Variants in EPB41L4B observed in about 807,000 individuals in gnomAD.
EPB41L4B encodes erythrocyte membrane protein band 4.1 like 4B, also known as band 4.1-like protein 4B.
In EPB41L4B, 30 loss-of-function variants were observed where a neutral mutation model predicts 112.5. That is an observed-to-expected ratio of 0.27 (90% CI 0.20 to 0.36). The LOEUF (loss-of-function observed/expected upper bound fraction) is 0.36. Ranked by LOEUF, EPB41L4B falls within the 10% of genes least tolerant of loss-of-function variation. The pLI is 1.00. For missense variants in EPB41L4B, 1,024 were observed against 1,133.3 expected, an observed-to-expected ratio of 0.90 and a Z score of 1.38; for synonymous variants, 408 against 439.7, an observed-to-expected ratio of 0.93 and a Z score of 0.90.
chr9:109,251,335 T>C (rs1419555976), intron 13 of EPB41L4B, 146 bp downstream of exon 13: 1 of 771,576 alleles, frequency 1.3e-6, no homozygotes, highest in Non-Finnish European at 2.2e-6. Flanking sequence ...GCCATGAGCA[T>C]GGAATAGCCA....
At position 109,176,634 on chromosome 9, in the gene EPB41L4B, T is replaced by A; in HGVS notation, c.2550A>T (p.Ala850=). 6.2e-7 allele frequency: 1 copy of A among 1,614,090 alleles called. No homozygotes were observed. The highest frequency in any genetic ancestry group is 8.5e-7 in the Non-Finnish European group (1 of 1,179,998). The change falls in exon 25 of 26, where the codon GCA becomes GCT. Residue 850 remains alanine (A), a synonymous_variant. Coordinates refer to ENST00000374566, the MANE Select transcript of EPB41L4B (RefSeq NM_019114.5). Reference sequence around the variant, plus strand: ...TCTCTGTCAAAGGCCTCAGGGTCGCTGCTGGGATCAGCGGGGAAGTCGGGC... The same window carrying A: ...TCTCTGTCAAAGGCCTCAGGGTCGCAGCTGGGATCAGCGGGGAAGTCGGGC... ...CPGPTSPLIP[A]ATLRPLTETV...
intron 15 of EPB41L4B, among the ~76,000 whole-genome samples, chr9:109,235,431 T>C (rs1834106428): frequency 1.4e-5 from 2 of 139,256 alleles, no homozygotes; most frequent in Non-Finnish European, 3.0e-5. Context: ...AGTCTCACAC[T>C]GTCACCCAGG....
intron 15 of EPB41L4B, among the ~76,000 whole-genome samples, chr9:109,219,438 G>A (rs2118848150): frequency 6.6e-6 from 1 of 152,280 alleles, no homozygotes; most frequent in South Asian, 2.1e-4. Flanking sequence ...TCAGCTCACT[G>A]CAAACTCCGC....
chr9:109,243,744 G>A (rs1356280128), intron 14 of EPB41L4B, 62 bp from the exon 15 acceptor site: 11 of 1,536,184 alleles, frequency 7.2e-6, no homozygotes, highest in African/African-American at 2.7e-5. Flanking sequence ...GTCCTCATTC[G>A]CTTTGTCTGT....
chr9:109,203,768 A>G lies in EPB41L4B; in HGVS notation c.1879-38T>C, dbSNP rs183256971. Reference sequence around the variant, plus strand: ...GCATTCAGGTTAGTCAAAACTGAATATGTTGGCATGCAAAAAATGTTTTCA... The same window carrying G: ...GCATTCAGGTTAGTCAAAACTGAATGTGTTGGCATGCAAAAAATGTTTTCA... On this transcript the variant is annotated intron_variant, in intron 18 of 25. Coordinates refer to ENST00000374566, the MANE Select transcript of EPB41L4B (RefSeq NM_019114.5). The G allele has an allele frequency of 5.0e-5, 76 of 1,523,178 alleles. No homozygotes were observed. The African/African-American group carries it at 8.9e-4, about 18-fold the overall frequency. The allele number at this position is 1,523,178 out of a possible 1,614,324, so 94.4% of individuals were successfully genotyped here. A position where few individuals can be genotyped will look rare whatever the true frequency, so the allele number is the denominator to read the frequency against.
At chr9:109,211,465 C>T (rs1214901379) in intron 17 of EPB41L4B, among the ~76,000 whole-genome samples, 8 of 151,362 alleles carry the variant, frequency 5.3e-5, no homozygotes, top group South Asian at 2.1e-4. Context: ...TGTGGTGGTG[C>T]GTGCCTGTAA....
In EPB41L4B at chr9:109,217,105, AC is replaced by A; in HGVS notation, c.1449del (p.Leu484CysfsTer41). 1 of 1,614,156 alleles carries A rather than the reference AC, an allele frequency of 6.2e-7. No individual in the cohort carries two copies. Among genetic ancestry groups the A allele is most frequent in the Non-Finnish European group, 8.5e-7 (1 of 1,180,040 alleles). Reference protein sequence around the residue: ...LPSPVLSSSDRLPFGIEENGG... With the variant: ...LPSPVLSSSDXLPFGIEENGG... ...CCATTCTCCTCAATGCCAAAAGGCA[AC>A]CGGTCCGAGCTGCTAAGCACTGGGG... On this transcript the variant is annotated frameshift_variant, in exon 16 of 26. Transcript: ENST00000374566. LOFTEE classifies it high-confidence loss of function.
intron 6 of EPB41L4B, among the ~76,000 whole-genome samples, chr9:109,262,492 C>T (rs796630573): frequency 6.7e-4 from 102 of 151,548 alleles, no homozygotes; most frequent in African/African-American, 2.4e-3. Flanking sequence ...AACCCCTGCC[C>T]TAGTTAGTTT....
intron 2 of EPB41L4B, among the ~76,000 whole-genome samples, chr9:109,278,814 T>G (rs971931025): frequency 6.6e-6 from 1 of 152,184 alleles, no homozygotes; most frequent in African/African-American, 2.4e-5. Context: ...AGATTTAGAT[T>G]GTCGAATAAA....
chr9:109,313,157 A>C (rs1207224092), intron 1 of EPB41L4B, among the ~76,000 whole-genome samples: 1 of 152,114 alleles, frequency 6.6e-6, no homozygotes, highest in African/African-American at 2.4e-5. Flanking sequence ...ATGTTGGTTT[A>C]TGGGTATCTG....
chr9:109,233,951 T>C (rs1351221491), intron 15 of EPB41L4B, among the ~76,000 whole-genome samples: 1 of 152,214 alleles, frequency 6.6e-6, no homozygotes, highest in Non-Finnish European at 1.5e-5. Context: ...CTGATCTTTA[T>C]TAAGGAGCAT....
chr9:109,285,877 C>T (rs1836254913), intron 1 of EPB41L4B, among the ~76,000 whole-genome samples: 1 of 152,146 alleles, frequency 6.6e-6, no homozygotes, highest in South Asian at 2.1e-4. Flanking sequence ...CAACTCTACT[C>T]CTGCCCCCGG....
At chr9:109,312,494 G>A (rs1022818087) in intron 1 of EPB41L4B, among the ~76,000 whole-genome samples, 4 of 152,128 alleles carry the variant, frequency 2.6e-5, no homozygotes, top group Non-Finnish European at 5.9e-5. Flanking sequence ...AACCTCTGGG[G>A]CAAGCTCAGA....
chr9:109,189,395 G>A (rs958472410), intron 22 of EPB41L4B, among the ~76,000 whole-genome samples: 1 of 152,066 alleles, frequency 6.6e-6, no homozygotes, highest in African/African-American at 2.4e-5. Flanking sequence ...CTGGAGTCAA[G>A]CAGGAATGTA....
chr9:109,285,650 G>A (rs1346059411), intron 1 of EPB41L4B, among the ~76,000 whole-genome samples: 2 of 152,084 alleles, frequency 1.3e-5, no homozygotes, highest in East Asian at 3.9e-4. Flanking sequence ...CAGGTAGAAT[G>A]AAGACAAGGT....
intron 15 of EPB41L4B, among the ~76,000 whole-genome samples, chr9:109,223,747 G>A (rs917391293): frequency 4.7e-4 from 72 of 152,122 alleles, no homozygotes; most frequent in African/African-American, 1.4e-3. Flanking sequence ...GGCCGGGCAC[G>A]GTGGGTCACA....
intron 1 of EPB41L4B, among the ~76,000 whole-genome samples, chr9:109,310,545 T>A (rs1298782732): frequency 1.3e-5 from 2 of 152,202 alleles, no homozygotes; most frequent in African/African-American, 4.8e-5. Context: ...GACAGAGGGC[T>A]TGCCAACACT....
intron 16 of EPB41L4B, 82 bp from the exon 17 acceptor site, chr9:109,213,900 C>T: frequency 7.9e-7 from 1 of 1,273,498 alleles, no homozygotes; most frequent in Admixed American, 1.7e-5. Flanking sequence ...TTGCCAGCGC[C>T]CGATTCCCAG....
At chr9:109,309,620 C>T (rs780276209) in intron 1 of EPB41L4B, among the ~76,000 whole-genome samples, 141 of 152,298 alleles carry the variant, frequency 9.3e-4, no homozygotes, top group Non-Finnish European at 9.1e-4. Context: ...TCAACCCTGG[C>T]CAGATGCAGC....
Sources: allele counts gnomAD v4.1 joint callset (sites outside exome capture counted in the v4.1 genomes callset), GRCh38; gene constraint gnomAD v4.1.1; transcripts MANE v1.5; gene names NCBI Gene and HGNC (gene_info 2026-07-23, HGNC 2026-07-21).